CCDC78: variants seen among roughly 807,000 people sequenced by gnomAD.
CCDC78 encodes coiled-coil domain containing 78.
In CCDC78, 78 loss-of-function variants were observed where a neutral mutation model predicts 61.9. The observed-to-expected ratio is 1.26, with a 90% CI of 1.05 to 1.52. The LOEUF is 1.52. Among genes scored for constraint, CCDC78 ranks in the 40% most tolerant of loss-of-function variants. The probability of loss-of-function intolerance (pLI) is 0.00; values close to 1 mark genes in which losing one functional copy is unlikely to be tolerated. For missense variants in CCDC78, 737 were observed against 615.5 expected, an observed-to-expected ratio of 1.20 and a Z score of -2.09; for synonymous variants, 287 against 251.9, an observed-to-expected ratio of 1.14 and a Z score of -1.32.
chr16:723,828 G>A, intron 11 of CCDC78, 29 bp downstream of exon 11: 1 of 1,550,742 alleles, frequency 6.4e-7, no homozygotes, highest in Non-Finnish European at 8.7e-7. Flanking sequence ...TCCCCCACAG[G>A]CCTCCCCCAC....
chr16:726,645 C>T, upstream of CCDC78: 1 of 522,640 alleles, frequency 1.9e-6, no homozygotes. Flanking sequence ...TGCGTGAAAG[C>T]GCCCAGCCTG....
In CCDC78 at chr16:725,398, T is replaced by C. The variant is rs1464279380; in HGVS notation, c.435+15A>G. 1 of 1,612,300 alleles carries C rather than the reference T, an allele frequency of 6.2e-7. No homozygotes were observed. Among genetic ancestry groups the C allele is most frequent in the African/African-American group, 1.3e-5 (1 of 74,900 alleles). ...TGGCCTTTCCCAGCCAGGCTCTCCA[T>C]ATGCTCATGGTAACCTGGAATCTGT... is the stretch of plus-strand genomic sequence containing the variant. On this transcript the variant is annotated intron_variant, in intron 4 of 13. Coordinates refer to ENST00000345165, the MANE Select transcript of CCDC78 (RefSeq NM_001378030.1).
chr16:722,884 C>T, intron 13 of CCDC78, 38 bp downstream of exon 13: 1 of 1,610,466 alleles, frequency 6.2e-7, no homozygotes, highest in Non-Finnish European at 8.5e-7. Flanking sequence ...TCCAACCAGA[C>T]CAGGGCCCTG....
At chr16:724,257 C>A in intron 9 of CCDC78, 52 bp from the exon 10 acceptor site, 1 of 1,588,482 alleles carries the variant, frequency 6.3e-7, no homozygotes, top group Non-Finnish European at 8.6e-7. Flanking sequence ...GCACACCAAG[C>A]CTTTGAGGCA....
chr16:725,005 T>A lies in CCDC78; in HGVS notation c.561-16A>T. The A allele has an allele frequency of 6.2e-7, 1 of 1,612,094 alleles. No individual in the cohort carries two copies. Among genetic ancestry groups the A allele is most frequent in the Non-Finnish European group, 8.5e-7 (1 of 1,179,624 alleles). Reference sequence around the variant, plus strand: ...CAGGGTTGCCCTGAAGACACGGGGGTGAGGCTCAGCAGGCCCACGATCAGG... The same window carrying A: ...CAGGGTTGCCCTGAAGACACGGGGGAGAGGCTCAGCAGGCCCACGATCAGG... On this transcript the variant is annotated splice_polypyrimidine_tract_variant and intron_variant, in intron 6 of 13. Coordinates refer to ENST00000345165, the MANE Select transcript of CCDC78 (RefSeq NM_001378030.1).
Position 723,906 on chromosome 16 carries a change from G to T in CCDC78, c.1084C>A (p.Pro362Thr). 1 of 1,601,482 alleles carries T rather than the reference G, an allele frequency of 6.2e-7. No homozygotes were observed. The highest frequency in any genetic ancestry group is 2.3e-5 in the East Asian group (1 of 44,434). The change falls in exon 11 of 14, where the codon CCA (proline) becomes ACA (threonine). Residue 362 changes from proline to threonine, a missense_variant. Coordinates refer to ENST00000345165, the MANE Select transcript of CCDC78 (RefSeq NM_001378030.1). ...HGGPGALLSS[P>T]KKRPGGASQG... ...GAGGCTCCACCGGGTCTCTTTTTTG[G>T]GGATGAGAGCAGTGCCCCAGGCCCG...
rs769508152 is a variant in CCDC78 at position 722,750 on chromosome 16, A to C, written c.1341T>G (p.Gly447=). 6.2e-7 allele frequency: 1 copy of C among 1,612,214 alleles called. No homozygotes were observed. The highest frequency in any genetic ancestry group is 8.5e-7 in the Non-Finnish European group (1 of 1,179,956). The stretch of plus-strand genomic sequence containing the variant: ...CCCCCACTTTCCAGGGGTCCCCTGC[A>C]CCTGCCAGCTTCCTCAGCCTCAGGA... ...HEILRLRKLA[G]AGDPWKVGAV... is the part of the protein sequence containing the mutation. Residue 447 remains glycine, a synonymous_variant, in exon 14 of 14, where the codon GGT becomes GGG. Coordinates refer to ENST00000345165, the MANE Select transcript of CCDC78 (RefSeq NM_001378030.1).
intron 11 of CCDC78, 124 bp from the exon 12 acceptor site, chr16:723,285 G>GC: frequency 9.2e-7 from 1 of 1,091,948 alleles, no homozygotes; most frequent in African/African-American, 1.6e-5. Flanking sequence ...AGTGAGGGAG[G>GC]CATGGGCCCC....
Position 724,369 on chromosome 16 carries a change from C to G in CCDC78, c.906G>C (p.Arg302Ser). 6.2e-7 allele frequency: 1 copy of G among 1,612,354 alleles called. No individual in the cohort carries two copies. Among genetic ancestry groups the G allele is most frequent in the Non-Finnish European group, 8.5e-7 (1 of 1,179,926 alleles). ...LARAARSYHK[R>S]LVDLSRRHEE... ...CATGCCTGCGGCTCAGATCCACCAG[C>G]CTCTTGTGGTAGCTGCGGGCAGCCC... Residue 302 changes from arginine (R) to serine (S), a missense_variant, in exon 9 of 14, where the codon AGG becomes AGC. Coordinates refer to ENST00000345165, the MANE Select transcript of CCDC78 (RefSeq NM_001378030.1).
intron 11 of CCDC78, chr16:723,521 C>G (rs1158565847): frequency 1.5e-6 from 1 of 672,272 alleles, no homozygotes; most frequent in Non-Finnish European, 2.7e-6. Context: ...AACATGGAGG[C>G]CCAGAGGCAA....
chr16:723,612 C>G, intron 11 of CCDC78: 1 of 693,296 alleles, frequency 1.4e-6, no homozygotes. Flanking sequence ...CAGGTGTGCT[C>G]TCCCTGATCC....
chr16:724,630 C>G (rs1172224119), intron 8 of CCDC78, 51 bp downstream of exon 8: 1 of 1,590,328 alleles, frequency 6.3e-7, no homozygotes. Context: ...TCCAGCACAC[C>G]CAGGCCAGGC....
Position 722,721 on chromosome 16 carries a change from A to C in CCDC78, c.1370T>G (p.Val457Gly). 1 of 1,610,674 alleles carries C rather than the reference A, an allele frequency of 6.2e-7. No individual in the cohort carries two copies. Among genetic ancestry groups the C allele is most frequent in the Non-Finnish European group, 8.5e-7 (1 of 1,179,916 alleles). The change falls in exon 14 of 14, where the codon GTG (valine) becomes GGG (glycine). Residue 457 changes from valine to glycine, a missense_variant. Val to Gly is a moderately radical substitution (Grantham distance 109). Transcript: ENST00000345165. Reference protein sequence around the residue: ...GAGDPWKVGAVPPAKPQHPRT... With the variant: ...GAGDPWKVGAGPPAKPQHPRT... ...TGGATGCTGGGGCTTGGCTGGAGGC[A>C]CAGCCCCCACTTTCCAGGGGTCCCC...
chr16:723,339 G>C (rs1440288119), intron 11 of CCDC78, 178 bp from the exon 12 acceptor site: 2 of 768,696 alleles, frequency 2.6e-6, no homozygotes, highest in African/African-American at 1.7e-5. Flanking sequence ...GGAGCCATCC[G>C]TGTATAGGGA....
chr16:722,702 C>T lies in CCDC78; in HGVS notation c.1389G>A (p.Gln463=). 6.2e-7 allele frequency: 1 copy of T among 1,609,116 alleles called. No individual in the cohort carries two copies. Among genetic ancestry groups the T allele is most frequent in the Non-Finnish European group, 8.5e-7 (1 of 1,179,908 alleles). Residue 463 remains glutamine, a synonymous_variant, in exon 14 of 14, where the codon CAG becomes CAA. Coordinates refer to ENST00000345165, the MANE Select transcript of CCDC78 (RefSeq NM_001378030.1). The part of the protein sequence containing the change: ...KVGAVPPAKP[Q]HPRTGSH The stretch of plus-strand genomic sequence containing the variant: ...CCTAGTGGCTGCCGGTCCTTGGATG[C>T]TGGGGCTTGGCTGGAGGCACAGCCC...
chr16:723,354 C>T (rs1165149875), intron 11 of CCDC78, 193 bp from the exon 12 acceptor site: 2 of 728,438 alleles, frequency 2.7e-6, no homozygotes, highest in African/African-American at 3.5e-5. Flanking sequence ...TAGGGACAGC[C>T]CGGGCCCAGG....
rs553588726 is a variant in CCDC78, at chr16:722,645, A to AGCTCT, written c.*28_*32dup. ...TGGGAGGGTTCTGTGCTGGCTGAGG[A>AGCTCT]GCTCTGCTCTGCTCTGCTCCTTGGG... On this transcript the variant is annotated 3_prime_UTR_variant, in exon 14 of 14. Transcript: ENST00000345165. 5,422 of 1,595,102 alleles carry AGCTCT rather than the reference A, an allele frequency of 3.4e-3. 13 individuals are homozygous for AGCTCT. Among genetic ancestry groups the AGCTCT allele is most frequent in the Middle Eastern group, 5.6e-3 (34 of 6,032 alleles).
chr16:725,960 A>G lies in CCDC78; in HGVS notation c.180+6T>C, dbSNP rs749207367. The G allele has an allele frequency of 6.4e-7, 1 of 1,557,818 alleles. No homozygotes were observed. Among genetic ancestry groups the G allele is most frequent in the Non-Finnish European group, 8.7e-7 (1 of 1,150,682 alleles). On this transcript the variant is annotated splice_donor_region_variant and intron_variant, in intron 2 of 13. Coordinates refer to ENST00000345165, the MANE Select transcript of CCDC78 (RefSeq NM_001378030.1). Reference sequence around the variant, plus strand: ...CCTCACGAGCACGCTGGGGCCCCACACCCACCTGCAGCTGCTGCTCCTTAT... The same window carrying G: ...CCTCACGAGCACGCTGGGGCCCCACGCCCACCTGCAGCTGCTGCTCCTTAT...
intron 3 of CCDC78, 102 bp downstream of exon 3, chr16:725,692 C>G: frequency 6.4e-7 from 1 of 1,568,916 alleles, no homozygotes. Context: ...CAGGCTGAGA[C>G]CCACAGATGC....
Sources: gnomAD v4.1 joint callset for allele counts on GRCh38, gnomAD v4.1.1 for gene constraint, MANE v1.5 for transcripts, NCBI Gene and HGNC (gene_info 2026-07-23, HGNC 2026-07-21) for gene names.